Variants in WWOX observed in about 807,000 individuals in gnomAD.
WWOX encodes WW domain-containing oxidoreductase.
WWOX carries 69 observed loss-of-function variants against 46.2 expected under a neutral mutation model. The ratio of observed to expected loss-of-function variants is 1.49; its 90% CI spans 1.23 to 1.82. The LOEUF (loss-of-function observed/expected upper bound fraction) is 1.82. Among genes scored for constraint, WWOX ranks in the 40% most tolerant of loss-of-function variants. The pLI is 0.00. For synonymous variants in WWOX, 359 were observed against 202.6 expected, an observed-to-expected ratio of 1.77 and a Z score of -6.56; for missense variants, 919 against 542.6, an observed-to-expected ratio of 1.69 and a Z score of -6.89.
At chr16:78,858,370 G>A (rs1452867366) in intron 8 of WWOX, among the ~76,000 whole-genome samples, 3 of 151,718 alleles carry the variant, frequency 2.0e-5, no homozygotes, top group African/African-American at 7.3e-5. Context: ...GTGTGTGTAT[G>A]TATATATATG....
intron 8 of WWOX, among the ~76,000 whole-genome samples, chr16:79,162,606 G>A (rs543556926): frequency 1.3e-5 from 2 of 152,262 alleles, no homozygotes; most frequent in Non-Finnish European, 2.9e-5. Context: ...TAAAGATCAG[G>A]CCTTGGGAGA....
intron 8 of WWOX, among the ~76,000 whole-genome samples, chr16:79,178,907 T>G (rs1231151044): frequency 6.6e-6 from 1 of 152,258 alleles, no homozygotes. Context: ...GAGAGCTGTT[T>G]AGTTAGAAGA....
chr16:78,464,889 G>C (rs905560414), intron 8 of WWOX, among the ~76,000 whole-genome samples: 12 of 152,136 alleles, frequency 7.9e-5, no homozygotes, highest in African/African-American at 2.2e-4. Context: ...AGAAATACCC[G>C]AGACTGGGTA....
At chr16:78,801,164 A>ATAC (rs1304805574) in intron 8 of WWOX, among the ~76,000 whole-genome samples, 1 of 151,538 alleles carries the variant, frequency 6.6e-6, no homozygotes, top group Non-Finnish European at 1.5e-5. Flanking sequence ...GGTTCAAGTG[A>ATAC]TACTCATCTC....
intron 8 of WWOX, among the ~76,000 whole-genome samples, chr16:78,740,098 C>G (rs1024413423): frequency 1.3e-5 from 2 of 152,144 alleles, no homozygotes; most frequent in Non-Finnish European, 2.9e-5. Context: ...TTGGTCCCTT[C>G]TCTGCATTCG....
At chr16:78,371,570 G>A (rs2081687504) in intron 5 of WWOX, among the ~76,000 whole-genome samples, 2 of 152,028 alleles carry the variant, frequency 1.3e-5, no homozygotes, top group South Asian at 4.2e-4. Context: ...CTTCTACTAA[G>A]ATTGTTAAAT....
At chr16:78,945,522 T>G (rs900617675) in intron 8 of WWOX, among the ~76,000 whole-genome samples, 1 of 152,226 alleles carries the variant, frequency 6.6e-6, no homozygotes, top group Admixed American at 6.5e-5. Flanking sequence ...CTTCTGTTAC[T>G]GTTTATATAC....
intron 8 of WWOX, among the ~76,000 whole-genome samples, chr16:78,680,726 G>A (rs768098357): frequency 5.3e-4 from 80 of 152,286 alleles, no homozygotes; most frequent in African/African-American, 1.8e-3. Flanking sequence ...CAGAAAGAAC[G>A]TTTCCGTGAC....
At chr16:78,842,151 T>A (rs1353413112) in intron 8 of WWOX, among the ~76,000 whole-genome samples, 1 of 151,586 alleles carries the variant, frequency 6.6e-6, no homozygotes, top group African/African-American at 2.4e-5. Context: ...CCAGGAGGAG[T>A]TCATTTTCAA....
intron 5 of WWOX, among the ~76,000 whole-genome samples, chr16:78,213,050 C>T (rs931540627): frequency 1.6e-4 from 25 of 151,908 alleles, no homozygotes; most frequent in Admixed American, 1.4e-3. Context: ...GTCAGAAGTT[C>T]GAGACCAGCC....
At chr16:78,367,455 T>G (rs772073369) in intron 5 of WWOX, among the ~76,000 whole-genome samples, 1 of 152,090 alleles carries the variant, frequency 6.6e-6, no homozygotes, top group Non-Finnish European at 1.5e-5. Context: ...GTTAGTGTAT[T>G]AATATTTTAT....
chr16:78,854,712 T>C (rs2052527803), intron 8 of WWOX, among the ~76,000 whole-genome samples: 1 of 152,094 alleles, frequency 6.6e-6, no homozygotes, highest in South Asian at 2.1e-4. Context: ...TCCCAAGTAG[T>C]TGGGATTACA....
intron 8 of WWOX, among the ~76,000 whole-genome samples, chr16:78,616,158 C>T (rs768668512): frequency 6.6e-5 from 10 of 152,010 alleles, no homozygotes; most frequent in South Asian, 2.1e-4. Flanking sequence ...CAATTGTCTT[C>T]GGCTTTCCCT....
intron 8 of WWOX, among the ~76,000 whole-genome samples, chr16:79,207,928 G>T (rs1257192428): frequency 6.6e-6 from 1 of 152,128 alleles, no homozygotes; most frequent in East Asian, 1.9e-4. Context: ...ATGAAAAGCA[G>T]CTACTTAACA....
chr16:78,906,545 T>A (rs2044969944), intron 8 of WWOX, among the ~76,000 whole-genome samples: 1 of 152,138 alleles, frequency 6.6e-6, no homozygotes, highest in Non-Finnish European at 1.5e-5. Flanking sequence ...AGTCCACGGC[T>A]TCCAAAGAGA....
intron 8 of WWOX, among the ~76,000 whole-genome samples, chr16:78,888,156 T>C (rs2044507502): frequency 6.6e-6 from 1 of 152,182 alleles, no homozygotes; most frequent in African/African-American, 2.4e-5. Context: ...CTGGCTCCTT[T>C]TAAAAGGTGA....
chr16:78,565,569 A>G (rs1251175360), intron 8 of WWOX, among the ~76,000 whole-genome samples: 1 of 152,188 alleles, frequency 6.6e-6, no homozygotes, highest in East Asian at 1.9e-4. Flanking sequence ...TACCCAGATA[A>G]TCTTGGATAA....
intron 8 of WWOX, among the ~76,000 whole-genome samples, chr16:78,668,452 T>C (rs993255537): frequency 5.9e-5 from 9 of 152,190 alleles, no homozygotes; most frequent in Non-Finnish European, 1.2e-4. Flanking sequence ...TTCTTTCCTT[T>C]GTATATCCAC....
chr16:78,425,657 G>C (rs1481692753), intron 7 of WWOX, among the ~76,000 whole-genome samples: 1 of 152,070 alleles, frequency 6.6e-6, no homozygotes, highest in African/African-American at 2.4e-5. Context: ...AAATTTCCTC[G>C]TATTTTCAGC....
Sources: gnomAD v4.1 joint callset for allele counts (sites outside exome capture counted in the v4.1 genomes callset) on GRCh38, gnomAD v4.1.1 for gene constraint, MANE v1.5 for transcripts, NCBI Gene and HGNC (gene_info 2026-07-23, HGNC 2026-07-21) for gene names.